The following MAP3K2 variants were observed in gnomAD, a reference collection of about 807,000 sequenced individuals.
The protein encoded by MAP3K2 is MAP/ERK kinase kinase 2.
In MAP3K2, 24 loss-of-function variants were observed where a neutral mutation model predicts 80.3. The ratio of observed to expected loss-of-function variants is 0.30; its 90% CI spans 0.22 to 0.42. The LOEUF (loss-of-function observed/expected upper bound fraction) is 0.42. Ranked by LOEUF, MAP3K2 falls within the 10% of genes least tolerant of loss-of-function variation. The pLI is 1.00. For synonymous variants in MAP3K2, 244 were observed against 253.7 expected (o/e 0.96, Z 0.36); for missense variants, 608 against 750.1 (o/e 0.81, Z 2.21).
chr2:127,316,368 T>C lies in MAP3K2; in HGVS notation c.1326+1261A>G, dbSNP rs138777149. Among the ~76,000 whole-genome samples the C allele has an allele frequency of 5.9e-5, 9 of 152,314 alleles. 1 individual carries two copies. In the East Asian group the frequency reaches 1.7e-3, roughly 29 times the overall value. On this transcript the variant is annotated intron_variant, in intron 14 of 16. Coordinates refer to ENST00000682094, the MANE Select transcript of MAP3K2 (RefSeq NM_001371910.2). ...CCTGGGCAACAAGAGCGAAACTCCA[T>C]CTCAAAATTAAACAAATAAAAATTA...
At chr2:127,317,608 C>T in intron 14 of MAP3K2, 21 bp downstream of exon 14, 4 of 1,500,888 alleles carry the variant, frequency 2.7e-6, no homozygotes, top group East Asian at 2.5e-5. Flanking sequence ...TGTGTATTTT[C>T]AAAAAGATGT....
rs56300936 is a variant in MAP3K2, at chr2:127,342,388, GGT to G, written c.4+736_4+737del. Among the ~76,000 whole-genome samples, 958 of 147,850 alleles carry G rather than the reference GGT, an allele frequency of 6.5e-3. 2 individuals are homozygous for G. The highest frequency in any genetic ancestry group is 8.2e-3 in the African/African-American group (327 of 39,756). ...TGGGCAAATATAAGTTCTTCATGAG[GGT>G]GTGTGTGTGTGTGTGTGTGTGTGTG... On this transcript the variant is annotated intron_variant, in intron 2 of 16. Coordinates refer to ENST00000682094, the MANE Select transcript of MAP3K2 (RefSeq NM_001371910.2).
At chr2:127,349,704 T>C (rs867056017) in intron 1 of MAP3K2, among the ~76,000 whole-genome samples, 11 of 152,280 alleles carry the variant, frequency 7.2e-5, no homozygotes, top group Middle Eastern at 3.4e-3. Context: ...AAGTAAACTT[T>C]CCATAATGCC....
intron 1 of MAP3K2, among the ~76,000 whole-genome samples, chr2:127,368,123 A>C (rs1045858955): frequency 6.6e-6 from 1 of 150,796 alleles, no homozygotes; most frequent in Non-Finnish European, 1.5e-5. Context: ...GCAGTTTGAG[A>C]CCAGCCTGGC....
chr2:127,387,398 GCACA>G (rs367967800), intron 1 of MAP3K2, 50 bp downstream of exon 1: 7 of 198,140 alleles, frequency 3.5e-5, no homozygotes, highest in Admixed American at 2.2e-4. Context: ...ACACACGCGC[GCACA>G]CACACACACA....
rs1350675889 is a variant in MAP3K2 at position 127,300,489 on chromosome 2, A to C, written c.*7090T>G. 6.6e-6 allele frequency: 1 copy of C among 152,188 alleles called. No homozygotes were observed. Among genetic ancestry groups the C allele is most frequent in the Admixed American group, 6.5e-5 (1 of 15,280 alleles). The allele number at this position is 152,188 out of a possible 1,614,324, so 9.4% of individuals were successfully genotyped here. ...TGATAATCATAGTTTGCAACAATTC[A>C]AAGTTTATTCTCAAATTTATCCAAG... On this transcript the variant is annotated 3_prime_UTR_variant, in exon 17 of 17. Transcript: ENST00000682094.
In MAP3K2 at chr2:127,310,086, G is replaced by C. The variant is rs1685782215; in HGVS notation, c.1457-1324C>G. ...ATTCATTTGCATCACTATGAACATG[G>C]ATATTTGTTTTATACACTGGGTTAT... On this transcript the variant is annotated intron_variant, in intron 15 of 16. Coordinates refer to ENST00000682094, the MANE Select transcript of MAP3K2 (RefSeq NM_001371910.2). The surrounding 1 kb of genome is among the most constrained non-coding windows in gnomAD (Gnocchi z 4.8). Among the ~76,000 whole-genome samples, 1 of 152,128 alleles carries C rather than the reference G, an allele frequency of 6.6e-6. No homozygotes were observed. Among genetic ancestry groups the C allele is most frequent in the Admixed American group, 6.5e-5 (1 of 15,270 alleles).
At chr2:127,335,346 C>G (rs1686344104) in intron 5 of MAP3K2, among the ~76,000 whole-genome samples, 1 of 152,188 alleles carries the variant, frequency 6.6e-6, no homozygotes, top group Non-Finnish European at 1.5e-5. Flanking sequence ...CTTCAGAGAT[C>G]ACTGAATCCA....
At chr2:127,377,388 GT>G (rs34205221) in intron 1 of MAP3K2, among the ~76,000 whole-genome samples, 2,357 of 147,708 alleles carry the variant, frequency 0.016, 54 homozygotes, top group African/African-American at 0.054. Context: ...AATTTCAGTG[GT>G]TTTTTTTTTT....
At position 127,339,061 on chromosome 2, in the gene MAP3K2, T is replaced by C; in HGVS notation, c.5-11A>G. On this transcript the variant is annotated splice_polypyrimidine_tract_variant and intron_variant, in intron 2 of 16. Coordinates refer to ENST00000682094, the MANE Select transcript of MAP3K2 (RefSeq NM_001371910.2). The surrounding 1 kb of genome is among the most constrained non-coding windows in gnomAD (Gnocchi z 4.2). ...AAGCTTGCTGATCATCTAGGTAGTT[T>C]TGAAACAACACATACATAGAATTGT... The C allele has an allele frequency of 6.6e-7, 1 of 1,512,730 alleles. No individual in the cohort carries two copies. The allele number at this position is 1,512,730 out of a possible 1,614,324, so 93.7% of individuals were successfully genotyped here. A position where few individuals can be genotyped will look rare whatever the true frequency, so the allele number is the denominator to read the frequency against.
chr2:127,375,835 C>T (rs1361199087), intron 1 of MAP3K2, among the ~76,000 whole-genome samples: 3 of 152,252 alleles, frequency 2.0e-5, no homozygotes, highest in African/African-American at 7.2e-5. Flanking sequence ...TAACATAACC[C>T]CAGTGGGGTT....
In MAP3K2 at chr2:127,298,937, A is replaced by T. The variant is rs977503032; in HGVS notation, c.*8642T>A. On this transcript the variant is annotated 3_prime_UTR_variant, in exon 17 of 17. Coordinates refer to ENST00000682094, the MANE Select transcript of MAP3K2 (RefSeq NM_001371910.2). ...ACAAAATATAAACATGGTTTCTTTTATATTAGATTTTTTTTTAAAAAAAAG... is the reference window on the plus strand; with the variant it reads ...ACAAAATATAAACATGGTTTCTTTTTTATTAGATTTTTTTTTAAAAAAAAG... 1 of 139,290 alleles carries T rather than the reference A, an allele frequency of 7.2e-6. No homozygotes were observed. The highest frequency in any genetic ancestry group is 2.5e-5 in the African/African-American group (1 of 39,536). 8.6% of individuals were successfully genotyped at this position (139,290 alleles called of 1,614,324 possible).
chr2:127,377,123 AAAAT>A (rs894773458), intron 1 of MAP3K2, among the ~76,000 whole-genome samples: 2 of 152,198 alleles, frequency 1.3e-5, no homozygotes, highest in African/African-American at 2.4e-5. Context: ...TTAAGAAATT[AAAAT>A]AAATACTTTA....
chr2:127,338,041 T>A (rs114975584), intron 3 of MAP3K2, among the ~76,000 whole-genome samples: 1 of 152,154 alleles, frequency 6.6e-6, no homozygotes, highest in African/African-American at 2.4e-5. Flanking sequence ...TATGAGACAT[T>A]TGCTGATCCT....
Position 127,306,896 on chromosome 2 carries a change from C to T in MAP3K2, c.*683G>A, listed in dbSNP as rs988794996. Reference sequence around the variant, plus strand: ...TGTGTTTTTAAGCAGAAAGCTATCCCTCAAGGTTTACAGATTCCAGTAACG... The same window carrying T: ...TGTGTTTTTAAGCAGAAAGCTATCCTTCAAGGTTTACAGATTCCAGTAACG... On this transcript the variant is annotated 3_prime_UTR_variant, in exon 17 of 17. Coordinates refer to ENST00000682094, the MANE Select transcript of MAP3K2 (RefSeq NM_001371910.2). This position sits in a 1 kb window ranked among gnomAD's most constrained non-coding sequence, Gnocchi z 4.7. 3.3e-5 allele frequency: 5 copies of T among 152,090 alleles called. No homozygotes were observed. The highest frequency in any genetic ancestry group is 1.2e-4 in the African/African-American group (5 of 41,262). 9.4% of individuals were successfully genotyped at this position (152,090 alleles called of 1,614,324 possible). A position where few individuals can be genotyped will look rare whatever the true frequency, so the allele number is the denominator to read the frequency against.
At chr2:127,372,723 T>C (rs1197931392) in intron 1 of MAP3K2, among the ~76,000 whole-genome samples, 1 of 152,160 alleles carries the variant, frequency 6.6e-6, no homozygotes, top group Non-Finnish European at 1.5e-5. Flanking sequence ...CCCTTGACAT[T>C]GCTCTCTCAA....
chr2:127,339,045 G>A lies in MAP3K2; in HGVS notation c.10C>T (p.Gln4Ter). The part of the protein sequence containing the change: MDD[Q>*]QALNSIMQDL... The stretch of plus-strand genomic sequence containing the variant: ...TGCATGATTGAGTTCAAAGCTTGCT[G>A]ATCATCTAGGTAGTTTTGAAACAAC... The change falls in exon 3 of 17, where the codon CAG becomes TAG. Residue 4 changes from glutamine to a stop codon, truncating the protein, a stop_gained. Transcript: ENST00000682094. LOFTEE classifies it high-confidence loss of function. The surrounding 1 kb of genome is among the most constrained non-coding windows in gnomAD (Gnocchi z 4.2). The A allele has an allele frequency of 6.3e-7, 1 of 1,597,956 alleles. No homozygotes were observed. Among genetic ancestry groups the A allele is most frequent in the Non-Finnish European group, 8.6e-7 (1 of 1,167,518 alleles).
intron 1 of MAP3K2, among the ~76,000 whole-genome samples, chr2:127,355,158 G>A (rs925684464): frequency 6.6e-6 from 1 of 152,050 alleles, no homozygotes; most frequent in African/African-American, 2.4e-5. Flanking sequence ...TAACTGTTTG[G>A]AATTTGACAG....
Position 127,387,604 on chromosome 2 carries a change from G to C in MAP3K2, c.-218C>G. ...GGACCGGAGGGGCGCGCGAGGAGTCGGGCGCGGGCCTTGGGGCCAGGCCCG... is the reference window on the plus strand; with the variant it reads ...GGACCGGAGGGGCGCGCGAGGAGTCCGGCGCGGGCCTTGGGGCCAGGCCCG... On this transcript the variant is annotated 5_prime_UTR_variant, in exon 1 of 17. Coordinates refer to ENST00000682094, the MANE Select transcript of MAP3K2 (RefSeq NM_001371910.2). The C allele has an allele frequency of 1.0e-6, 1 of 984,966 alleles. No homozygotes were observed. The highest frequency in any genetic ancestry group is 1.2e-6 in the Non-Finnish European group (1 of 829,752). 61.0% of individuals were successfully genotyped at this position (984,966 alleles called of 1,614,324 possible). A position where few individuals can be genotyped will look rare whatever the true frequency, so the allele number is the denominator to read the frequency against.
Sources: gnomAD v4.1 joint callset for allele counts (sites outside exome capture counted in the v4.1 genomes callset) on GRCh38, gnomAD v4.1.1 for gene constraint, Gnocchi (gnomAD v3.1) non-coding constraint, MANE v1.5 for transcripts, NCBI Gene and HGNC (gene_info 2026-07-23, HGNC 2026-07-21) for gene names.